The following MAML3 variants were observed in gnomAD, a reference collection of about 807,000 sequenced individuals.
The protein encoded by MAML3 is mastermind-like protein 3.
Under a neutral mutation model 101.9 loss-of-function variants are expected in MAML3, and 27 were observed. The ratio of observed to expected loss-of-function variants is 0.27; its 90% CI spans 0.20 to 0.37. MAML3 has a LOEUF of 0.37. Ranked by LOEUF, MAML3 falls within the 10% of genes least tolerant of loss-of-function variation. MAML3 has a pLI of 1.00. For synonymous variants in MAML3, 501 were observed against 555.9 expected (o/e 0.90, Z 1.39); for missense variants, 1,316 against 1,444.9 (o/e 0.91, Z 1.45).
chr4:139,984,932 A>C (rs889694241), intron 1 of MAML3, among the ~76,000 whole-genome samples: 19 of 152,246 alleles, frequency 1.2e-4, no homozygotes, highest in Non-Finnish European at 2.8e-4. Context: ...TTGACACATA[A>C]GACTAACCAT....
chr4:139,736,913 C>A (rs1597906), intron 2 of MAML3, among the ~76,000 whole-genome samples: 1 of 152,152 alleles, frequency 6.6e-6, no homozygotes, highest in Admixed American at 6.5e-5. Flanking sequence ...GCAAAATTTC[C>A]TGCTTTGGAA....
intron 1 of MAML3, among the ~76,000 whole-genome samples, chr4:140,072,584 C>A (rs935686763): frequency 1.3e-5 from 2 of 151,482 alleles, no homozygotes; most frequent in Admixed American, 6.6e-5. Context: ...GCAGGAGAAT[C>A]GCTTGAACCT....
intron 1 of MAML3, among the ~76,000 whole-genome samples, chr4:140,025,812 A>G (rs1439812664): frequency 6.6e-6 from 1 of 152,196 alleles, no homozygotes; most frequent in Non-Finnish European, 1.5e-5. Flanking sequence ...ACATAAAATG[A>G]GTCTCGGATC....
chr4:140,123,651 A>G (rs1728642559), intron 1 of MAML3, among the ~76,000 whole-genome samples: 1 of 152,244 alleles, frequency 6.6e-6, no homozygotes, highest in Non-Finnish European at 1.5e-5. Flanking sequence ...TCTGAAGTCC[A>G]TTATTGTTCC....
intron 2 of MAML3, among the ~76,000 whole-genome samples, chr4:139,859,226 CAT>C (rs1491312518): frequency 0.032 from 4,260 of 134,720 alleles, 198 homozygotes; most frequent in African/African-American, 0.11. Flanking sequence ...GGTTCTACTA[CAT>C]TTTTTTTTTT....
At chr4:139,862,802 G>A (rs762542161) in intron 2 of MAML3, among the ~76,000 whole-genome samples, 1 of 152,204 alleles carries the variant, frequency 6.6e-6, no homozygotes, top group Non-Finnish European at 1.5e-5. Flanking sequence ...AATGTAGGTA[G>A]CAGTGTTGAG....
intron 1 of MAML3, among the ~76,000 whole-genome samples, chr4:140,140,044 C>T (rs111812926): frequency 6.6e-6 from 1 of 152,172 alleles, no homozygotes; most frequent in African/African-American, 2.4e-5. Flanking sequence ...TTATTTGGGG[C>T]CGGACGCGGT....
At chr4:139,769,998 C>T (rs1729943570) in intron 2 of MAML3, among the ~76,000 whole-genome samples, 2 of 151,422 alleles carry the variant, frequency 1.3e-5, no homozygotes, top group African/African-American at 4.9e-5. Flanking sequence ...AGGTTCACTG[C>T]AGCCTCAAAC....
chr4:140,041,001 C>T (rs148215335), intron 1 of MAML3, among the ~76,000 whole-genome samples: 1 of 152,142 alleles, frequency 6.6e-6, no homozygotes, highest in East Asian at 1.9e-4. Flanking sequence ...TCATGGAGGA[C>T]ACCAAGGAAT....
intron 2 of MAML3, among the ~76,000 whole-genome samples, chr4:139,757,650 A>AAG: frequency 6.6e-6 from 1 of 151,602 alleles, no homozygotes; most frequent in African/African-American, 2.4e-5. Flanking sequence ...TTCAAAAAAA[A>AAG]AAAAAAAAAA....
intron 1 of MAML3, among the ~76,000 whole-genome samples, chr4:140,060,898 T>C (rs1459525141): frequency 6.6e-6 from 1 of 152,208 alleles, no homozygotes; most frequent in Non-Finnish European, 1.5e-5. Flanking sequence ...TGGATTTCAG[T>C]CACAGGGCCC....
At chr4:140,069,783 T>A (rs1433297300) in intron 1 of MAML3, among the ~76,000 whole-genome samples, 2 of 151,026 alleles carry the variant, frequency 1.3e-5, no homozygotes, top group Non-Finnish European at 2.9e-5. Flanking sequence ...CATAGTAAAA[T>A]CATACCATGG....
chr4:139,956,871 G>T (rs1429452757), intron 1 of MAML3, among the ~76,000 whole-genome samples: 1 of 152,192 alleles, frequency 6.6e-6, no homozygotes, highest in Non-Finnish European at 1.5e-5. Flanking sequence ...CAGGAGAAGG[G>T]CTTCCTGACC....
chr4:140,006,459 G>C (rs542759598), intron 1 of MAML3, among the ~76,000 whole-genome samples: 4 of 152,064 alleles, frequency 2.6e-5, no homozygotes, highest in African/African-American at 7.2e-5. Flanking sequence ...GGTGGCGGGT[G>C]CCTGTAATCC....
chr4:140,032,625 A>T (rs138853688), intron 1 of MAML3, among the ~76,000 whole-genome samples: 1 of 152,166 alleles, frequency 6.6e-6, no homozygotes, highest in Non-Finnish European at 1.5e-5. Context: ...CATCCATATC[A>T]ATGATACAAA....
chr4:139,782,266 A>C (rs1730229243), intron 2 of MAML3, among the ~76,000 whole-genome samples: 1 of 152,200 alleles, frequency 6.6e-6, no homozygotes, highest in South Asian at 2.1e-4. Flanking sequence ...GCACTCAAGC[A>C]GTCTTCCTGC....
intron 1 of MAML3, among the ~76,000 whole-genome samples, chr4:139,955,001 A>G (rs1733893387): frequency 6.6e-6 from 1 of 152,174 alleles, no homozygotes; most frequent in South Asian, 2.1e-4. Context: ...CATTTTTTTA[A>G]AAGCAGGAGA....
chr4:139,754,126 A>G (rs776527665), intron 2 of MAML3, among the ~76,000 whole-genome samples: 3 of 152,288 alleles, frequency 2.0e-5, no homozygotes, highest in Non-Finnish European at 4.4e-5. Context: ...CATATGCCCT[A>G]TGACTGAAAC....
intron 1 of MAML3, among the ~76,000 whole-genome samples, chr4:139,935,047 C>G (rs567444341): frequency 6.6e-6 from 1 of 152,174 alleles, no homozygotes; most frequent in Admixed American, 6.5e-5. Flanking sequence ...GGGCAACGTA[C>G]GGCTGCCAAT....
Sources: gnomAD v4.1 joint callset for allele counts (sites outside exome capture counted in the v4.1 genomes callset) on GRCh38, gnomAD v4.1.1 for gene constraint, MANE v1.5 for transcripts, NCBI Gene and HGNC (gene_info 2026-07-23, HGNC 2026-07-21) for gene names.